RBFOX1: variants seen among roughly 807,000 people sequenced by gnomAD.
RBFOX1 encodes the protein RNA binding fox-1 homolog 1.
RBFOX1 carries 8 observed loss-of-function variants against 57.7 expected under a neutral mutation model. That is an observed-to-expected ratio of 0.14 (90% CI 0.08 to 0.25). The LOEUF is 0.25. Among genes scored for constraint, RBFOX1 ranks in the 10% least tolerant of loss-of-function variants. The pLI, the probability that RBFOX1 is intolerant of heterozygous loss-of-function variation, is 1.00. For missense variants in RBFOX1, 611 were observed against 548.5 expected (o/e 1.11, Z -1.14); for synonymous variants, 326 against 222.4 (o/e 1.47, Z -4.15).
intron 1 of RBFOX1, among the ~76,000 whole-genome samples, chr16:6,163,223 C>T (rs140937430): frequency 6.6e-6 from 1 of 152,148 alleles, no homozygotes; most frequent in Admixed American, 6.5e-5. Flanking sequence ...GCCAAGGGGA[C>T]TCACCTGGCC....
At chr16:7,248,234 A>G (rs2094382399) in intron 4 of RBFOX1, among the ~76,000 whole-genome samples, 1 of 152,188 alleles carries the variant, frequency 6.6e-6, no homozygotes, top group Non-Finnish European at 1.5e-5. Flanking sequence ...AGGGTCTACA[A>G]ACCATTAACA....
chr16:6,636,974 T>G (rs1393976335), intron 2 of RBFOX1, among the ~76,000 whole-genome samples: 18 of 127,742 alleles, frequency 1.4e-4, no homozygotes, highest in Non-Finnish European at 2.2e-4. Flanking sequence ...TTATGTATAT[T>G]TATGTATATG....
chr16:5,776,020 C>G (rs1237688287), intron 3 of RBFOX1, among the ~76,000 whole-genome samples: 1 of 151,240 alleles, frequency 6.6e-6, no homozygotes, highest in African/African-American at 2.4e-5. Context: ...GCAAAGAGCT[C>G]TTCAAGAGCC....
chr16:6,654,463 A>C (rs988148592), intron 2 of RBFOX1, 140 bp from the exon 3 acceptor site: 1 of 647,424 alleles, frequency 1.5e-6, no homozygotes, highest in Non-Finnish European at 2.5e-6. Context: ...ATAAAGAGCA[A>C]TGACTCGAGA....
chr16:7,670,320 C>A (rs1270176376), intron 13 of RBFOX1, among the ~76,000 whole-genome samples: 1 of 152,144 alleles, frequency 6.6e-6, no homozygotes, highest in African/African-American at 2.4e-5. Context: ...GTGTCAGCCA[C>A]CACGTGTGGC....
intron 2 of RBFOX1, among the ~76,000 whole-genome samples, chr16:6,628,862 C>A (rs1445194345): frequency 7.1e-6 from 1 of 140,464 alleles, no homozygotes; most frequent in African/African-American, 2.4e-5. Context: ...AACCCCGTGT[C>A]TACTGAAAAT....
chr16:7,040,674 T>C (rs34891826), intron 3 of RBFOX1, among the ~76,000 whole-genome samples: 12,128 of 152,170 alleles, frequency 0.08, 776 homozygotes, highest in East Asian at 0.17. Flanking sequence ...TTTTTCTGTG[T>C]GTGTACCTTG....
chr16:5,291,234 C>G (rs1265942445), intron 1 of RBFOX1, among the ~76,000 whole-genome samples: 1 of 150,188 alleles, frequency 6.7e-6, no homozygotes, highest in Non-Finnish European at 1.5e-5. Flanking sequence ...ATAGTGTGTG[C>G]TCAGTAAAGG....
chr16:6,563,750 T>G (rs553704422), intron 2 of RBFOX1, among the ~76,000 whole-genome samples: 179 of 151,908 alleles, frequency 1.2e-3, no homozygotes, highest in African/African-American at 4.2e-3. Flanking sequence ...CAGTAGGGCT[T>G]GGGAGGTGGA....
intron 3 of RBFOX1, among the ~76,000 whole-genome samples, chr16:6,743,880 C>T (rs2072935436): frequency 7.3e-6 from 1 of 137,154 alleles, no homozygotes; most frequent in African/African-American, 2.8e-5. Context: ...TTTTCCTATA[C>T]ATTAATTAAG....
intron 4 of RBFOX1, among the ~76,000 whole-genome samples, chr16:7,319,801 G>A (rs1342525748): frequency 6.6e-6 from 1 of 152,080 alleles, no homozygotes; most frequent in Non-Finnish European, 1.5e-5. Flanking sequence ...GGCCCTCCCT[G>A]CTCAAGTTGC....
At chr16:6,335,900 CATTGTTCTCCAGGT>C (rs1222192879) in intron 2 of RBFOX1, among the ~76,000 whole-genome samples, 8 of 150,442 alleles carry the variant, frequency 5.3e-5, no homozygotes, top group African/African-American at 1.9e-4. Flanking sequence ...ATATGTCCAT[CATTGTTCTCCAGGT>C]ATTGCCTGGT....
At chr16:7,697,890 G>A (rs1289909562) in intron 14 of RBFOX1, among the ~76,000 whole-genome samples, 1 of 152,172 alleles carries the variant, frequency 6.6e-6, no homozygotes, top group African/African-American at 2.4e-5. Context: ...TTTAGCAGTT[G>A]TTCCACTGGA....
Position 7,223,710 on chromosome 16 carries a change from C to T in RBFOX1, c.27+171612C>T, listed in dbSNP as rs200374289. ...TCCCCACTATATGCCGTCAGTGTTTCAGAAAAAAAAAAAAAAAAAAAGAAA... is the reference window on the plus strand; with the variant it reads ...TCCCCACTATATGCCGTCAGTGTTTTAGAAAAAAAAAAAAAAAAAAAGAAA... On this transcript the variant is annotated intron_variant, in intron 4 of 15. Transcript: ENST00000550418. Among the ~76,000 whole-genome samples the T allele has an allele frequency of 1.9e-3, 146 of 78,614 alleles. 1 individual carries two copies. In the East Asian group the frequency reaches 0.052, roughly 28 times the overall value. 51.6% of individuals were successfully genotyped at this position (78,614 alleles called of 152,430 possible).
intron 4 of RBFOX1, among the ~76,000 whole-genome samples, chr16:7,211,391 C>CAAAAAA (rs57333413): frequency 0.037 from 3,115 of 83,428 alleles, 122 homozygotes; most frequent in Admixed American, 0.051. Context: ...GACTGCCTCT[C>CAAAAAA]AAAAAAAAAA....
intron 3 of RBFOX1, among the ~76,000 whole-genome samples, chr16:6,728,501 A>G (rs903156090): frequency 1.3e-5 from 2 of 152,180 alleles, no homozygotes; most frequent in African/African-American, 4.8e-5. Context: ...GGGAAGATAA[A>G]GTTTTTAATT....
intron 1 of RBFOX1, among the ~76,000 whole-genome samples, chr16:6,217,962 G>T (rs1393324474): frequency 6.6e-6 from 1 of 152,230 alleles, no homozygotes; most frequent in East Asian, 1.9e-4. Flanking sequence ...GTTGTAGTGA[G>T]CTGGGATCCT....
At chr16:7,217,871 C>T (rs551998928) in intron 4 of RBFOX1, among the ~76,000 whole-genome samples, 20 of 151,590 alleles carry the variant, frequency 1.3e-4, no homozygotes, top group African/African-American at 3.4e-4. Context: ...TGTGTACACG[C>T]GTGTGTGCAT....
intron 3 of RBFOX1, among the ~76,000 whole-genome samples, chr16:6,932,635 C>T (rs545608337): frequency 1.7e-4 from 26 of 152,276 alleles, no homozygotes; most frequent in African/African-American, 6.3e-4. Context: ...ACATCTAGCC[C>T]CAGGCATCTT....
Sources: gnomAD v4.1 joint callset for allele counts (sites outside exome capture counted in the v4.1 genomes callset) on GRCh38, gnomAD v4.1.1 for gene constraint, MANE v1.5 for transcripts, NCBI Gene and HGNC (gene_info 2026-07-23, HGNC 2026-07-21) for gene names.